CFAP74: variants seen among roughly 807,000 people sequenced by gnomAD.
CFAP74 encodes the protein cilia- and flagella-associated protein 74.
Under a neutral mutation model 188.9 loss-of-function variants are expected in CFAP74, and 124 were observed. The ratio of observed to expected loss-of-function variants is 0.66; its 90% CI spans 0.57 to 0.76. The LOEUF (loss-of-function observed/expected upper bound fraction) is 0.76, where lower values mean the gene tolerates loss of function less well. CFAP74 is among the 30% of genes least tolerant of loss of function. CFAP74 has a pLI of 0.00. For synonymous variants in CFAP74, 956 were observed against 916.7 expected (o/e 1.04, Z -0.77); for missense variants, 2,198 against 2,165.2 (o/e 1.02, Z -0.30).
rs371391489 is a variant in CFAP74 at position 1,964,997 on chromosome 1, T to G, written c.1466A>C (p.Glu489Ala). The change falls in exon 13 of 39, where the codon GAG (glutamate) becomes GCG (alanine). Residue 489 changes from glutamate (E) to alanine (A), a missense_variant. Physicochemically the swap from Glu to Ala is moderately radical, Grantham distance 107. Coordinates refer to ENST00000682832, the MANE Select transcript of CFAP74 (RefSeq NM_001304360.2). Reference sequence around the variant, plus strand: ...GCTCCGCAGCCGCTCCACCGTGCGCTCCAGGATGTCCTTGTCCATCTTTGT... The same window carrying G: ...GCTCCGCAGCCGCTCCACCGTGCGCGCCAGGATGTCCTTGTCCATCTTTGT... ...GGTKMDKDIL[E>A]RTVERLRSRV... The G allele has an allele frequency of 6.2e-7, 1 of 1,613,778 alleles. No homozygotes were observed. The highest frequency in any genetic ancestry group is 8.5e-7 in the Non-Finnish European group (1 of 1,179,904).
rs954421012 is a variant in CFAP74, at chr1:1,973,826, G to C, written c.674+199C>G. 6.6e-6 allele frequency among the ~76,000 whole-genome samples: 1 copy of C among 151,978 alleles called. No individual in the cohort carries two copies. The highest frequency in any genetic ancestry group is 2.4e-5 in the African/African-American group (1 of 41,388). On this transcript the variant is annotated intron_variant, in intron 7 of 38. Coordinates refer to ENST00000682832, the MANE Select transcript of CFAP74 (RefSeq NM_001304360.2). The surrounding 1 kb of genome is among the most constrained non-coding windows in gnomAD (Gnocchi z 6.2). ...CTTGGGAGGGCTGGGGCTCTGGGCA[G>C]GTGCAGGGGAGTGCCTGACACTTGG... is the stretch of plus-strand genomic sequence containing the variant.
At chr1:1,963,945 A>T (rs1655283290) in intron 13 of CFAP74, 78 bp from the exon 14 acceptor site, 1 of 902,568 alleles carries the variant, frequency 1.1e-6, no homozygotes, top group Non-Finnish European at 1.8e-6. Context: ...CTTTGCCTCA[A>T]GGTAACCGCT....
At chr1:1,965,219 GGAGTTGCTCT>G (rs1264838118) in intron 12 of CFAP74, among the ~76,000 whole-genome samples, 158 bp from the exon 13 acceptor site, 1 of 151,630 alleles carries the variant, frequency 6.6e-6, no homozygotes, top group East Asian at 1.9e-4. Flanking sequence ...CATGGCCCGG[GGAGTTGCTCT>G]GAGTTGCTCA....
At chr1:1,974,290 A>T in intron 6 of CFAP74, 92 bp from the exon 7 acceptor site, 1 of 1,350,536 alleles carries the variant, frequency 7.4e-7, no homozygotes, top group Non-Finnish European at 1.0e-6. Context: ...TCCTCCAGGC[A>T]GATGTTGAAC....
In CFAP74 at chr1:1,985,507, A is replaced by C; in HGVS notation, c.396-17T>G. 6.2e-7 allele frequency: 1 copy of C among 1,606,020 alleles called. No individual in the cohort carries two copies. The highest frequency in any genetic ancestry group is 8.5e-7 in the Non-Finnish European group (1 of 1,173,766). On this transcript the variant is annotated splice_polypyrimidine_tract_variant and intron_variant, in intron 5 of 38. Coordinates refer to ENST00000682832, the MANE Select transcript of CFAP74 (RefSeq NM_001304360.2). ...ACAGCGGCCCTGCAGTGGTGAACGG[A>C]CAGGCCGGGCGTGTGTCAGGCCTCA...
chr1:1,995,162 A>G (rs558743714), intron 1 of CFAP74, among the ~76,000 whole-genome samples: 1 of 152,256 alleles, frequency 6.6e-6, no homozygotes, highest in African/African-American at 2.4e-5. Flanking sequence ...ACTGAAAATC[A>G]TCAGAAATGC....
intron 18 of CFAP74, among the ~76,000 whole-genome samples, chr1:1,948,612 A>G (rs1358877691): frequency 1.7e-5 from 1 of 59,052 alleles, no homozygotes; most frequent in Non-Finnish European, 3.3e-5. Context: ...TTTTTTTGGC[A>G]GGGTCTCACT....
At chr1:1,982,455 C>T (rs1656963993) in intron 6 of CFAP74, among the ~76,000 whole-genome samples, 2 of 152,254 alleles carry the variant, frequency 1.3e-5, no homozygotes, top group Non-Finnish European at 2.9e-5. Context: ...GCATGAGCCC[C>T]ATGCCTCAGG....
rs1278630005 is a variant in CFAP74 at position 1,925,746 on chromosome 1, A to T, written c.4104+37T>A. ...CTGCCTGGTGGAAACCCCTCCTGGG[A>T]GGCTGGAGCCAGCACCAGGGCCCAC... On this transcript the variant is annotated intron_variant, in intron 33 of 38. Coordinates refer to ENST00000682832, the MANE Select transcript of CFAP74 (RefSeq NM_001304360.2). 3 of 1,590,644 alleles carry T rather than the reference A, an allele frequency of 1.9e-6. No individual in the cohort carries two copies. In the South Asian group the frequency reaches 3.4e-5, roughly 18 times the overall value.
chr1:1,959,865 T>C, intron 15 of CFAP74, 99 bp downstream of exon 15: 2 of 1,026,296 alleles, frequency 1.9e-6, no homozygotes, highest in South Asian at 1.7e-5. Context: ...AGAGGCCAAG[T>C]GCATCCTTCC....
intron 28 of CFAP74, chr1:1,927,346 C>CG: frequency 1.8e-6 from 1 of 541,230 alleles, no homozygotes; most frequent in South Asian, 2.3e-5. Flanking sequence ...ATTCTGCACC[C>CG]GGGGGGCTGG....
chr1:1,951,171 C>A (rs1230360571), intron 18 of CFAP74, among the ~76,000 whole-genome samples: 1 of 152,160 alleles, frequency 6.6e-6, no homozygotes, highest in Non-Finnish European at 1.5e-5. Flanking sequence ...GCAGGCACGT[C>A]TCACACAGCG....
chr1:1,955,255 C>T (rs550976296), intron 18 of CFAP74: 257 of 1,292,284 alleles, frequency 2.0e-4, no homozygotes, highest in East Asian at 2.2e-4. Flanking sequence ...CCGATGGCGG[C>T]GGGCTGCAGG....
intron 38 of CFAP74, 69 bp downstream of exon 38, chr1:1,922,520 C>T (rs374220491): frequency 3.6e-4 from 566 of 1,580,382 alleles, no homozygotes; most frequent in Non-Finnish European, 4.8e-4. Flanking sequence ...TGGGACTGGG[C>T]AGGGGTGTCA....
At chr1:1,992,329 A>C (rs1657633219) in intron 1 of CFAP74, among the ~76,000 whole-genome samples, 1 of 151,826 alleles carries the variant, frequency 6.6e-6, no homozygotes, top group Admixed American at 6.6e-5. Flanking sequence ...ATGCCCAGGT[A>C]ATTTTCAAAT....
chr1:1,924,591 C>T (rs910034543), intron 33 of CFAP74, 71 bp from the exon 34 acceptor site: 21 of 1,519,776 alleles, frequency 1.4e-5, no homozygotes, highest in Non-Finnish European at 1.8e-5. Flanking sequence ...CGTCGGTGCC[C>T]AGGACTTGGC....
At chr1:1,991,768 G>GCT (rs1558065935) in intron 1 of CFAP74, among the ~76,000 whole-genome samples, 1 of 152,154 alleles carries the variant, frequency 6.6e-6, no homozygotes, top group Non-Finnish European at 1.5e-5. Context: ...GGCTGGGCGT[G>GCT]GTGGCTCACA....
chr1:1,976,901 A>G (rs1453875585), intron 6 of CFAP74, among the ~76,000 whole-genome samples: 2 of 151,472 alleles, frequency 1.3e-5, no homozygotes, highest in Non-Finnish European at 2.9e-5. Context: ...GCTGGAGTAC[A>G]GTGGTGCGGT....
At chr1:1,936,232 GAAAA>G (rs909189579) in intron 25 of CFAP74, among the ~76,000 whole-genome samples, 8 of 136,786 alleles carry the variant, frequency 5.8e-5, no homozygotes, top group Non-Finnish European at 7.7e-5. Context: ...AAAAAAAAAA[GAAAA>G]AAAGAAAAGA....
Sources: gnomAD v4.1 joint callset for allele counts (sites outside exome capture counted in the v4.1 genomes callset) on GRCh38, gnomAD v4.1.1 for gene constraint, Gnocchi (gnomAD v3.1) non-coding constraint, MANE v1.5 for transcripts, NCBI Gene and HGNC (gene_info 2026-07-23, HGNC 2026-07-21) for gene names.